SDCCAG8: variants seen among roughly 807,000 people sequenced by gnomAD.
SDCCAG8 encodes serologically defined colon cancer antigen 8.
SDCCAG8 carries 74 observed loss-of-function variants against 101.8 expected under a neutral mutation model. The ratio of observed to expected loss-of-function variants is 0.73; its 90% CI spans 0.60 to 0.88. SDCCAG8 has a LOEUF of 0.88. Among genes scored for constraint, SDCCAG8 ranks in the 40% least tolerant of loss-of-function variants. The pLI is 0.00. For synonymous variants in SDCCAG8, 281 were observed against 292.9 expected (o/e 0.96, Z 0.41); for missense variants, 787 against 822.6 (o/e 0.96, Z 0.53).
At chr1:243,496,961 C>T (rs1057308486) in intron 17 of SDCCAG8, among the ~76,000 whole-genome samples, 12 of 152,180 alleles carry the variant, frequency 7.9e-5, no homozygotes, top group Non-Finnish European at 1.3e-4. Flanking sequence ...CCTGTCGCCC[C>T]CCTCTGAGCT....
intron 12 of SDCCAG8, among the ~76,000 whole-genome samples, chr1:243,358,214 G>A (rs191986336): frequency 6.6e-6 from 1 of 152,028 alleles, no homozygotes; most frequent in Non-Finnish European, 1.5e-5. Flanking sequence ...CTTGTATCTA[G>A]GATATGTAAG....
At chr1:243,426,672 A>T (rs1200482280) in intron 16 of SDCCAG8, 114 bp downstream of exon 16, 1 of 1,277,774 alleles carries the variant, frequency 7.8e-7, no homozygotes, top group Non-Finnish European at 1.1e-6. Context: ...GCTACTTGTG[A>T]CATGCTCAAA....
At chr1:243,378,374 G>A (rs1017982590) in intron 12 of SDCCAG8, among the ~76,000 whole-genome samples, 1 of 151,962 alleles carries the variant, frequency 6.6e-6, no homozygotes, top group African/African-American at 2.4e-5. Flanking sequence ...GTGTCTGATT[G>A]AATCTCACAC....
At position 243,285,566 on chromosome 1, in the gene SDCCAG8, G is replaced by A. The variant is rs145245320; in HGVS notation, c.421-706G>A. On this transcript the variant is annotated intron_variant, in intron 4 of 17. Transcript: ENST00000366541. Reference sequence around the variant, plus strand: ...ACATGTTGTACAATAGCTTTTGATTGCACTAGTAGTGAATATTAGGTTAAG... The same window carrying A: ...ACATGTTGTACAATAGCTTTTGATTACACTAGTAGTGAATATTAGGTTAAG... 1.4e-3 allele frequency among the ~76,000 whole-genome samples: 216 copies of A among 152,232 alleles called. 1 individual carries two copies. The highest frequency in any genetic ancestry group is 5.0e-3 in the African/African-American group (206 of 41,530).
At chr1:243,319,308 C>T (rs921774156) in intron 9 of SDCCAG8, among the ~76,000 whole-genome samples, 3 of 152,180 alleles carry the variant, frequency 2.0e-5, no homozygotes, top group Non-Finnish European at 4.4e-5. Flanking sequence ...TGTCTCTCTC[C>T]TCCCTAATCA....
chr1:243,429,394 T>C (rs937691480), intron 16 of SDCCAG8, among the ~76,000 whole-genome samples: 1 of 151,246 alleles, frequency 6.6e-6, no homozygotes, highest in Non-Finnish European at 1.5e-5. Context: ...GTAGTTGAAT[T>C]TGAGAGGAGT....
chr1:243,476,643 G>A (rs1188971315), intron 16 of SDCCAG8, among the ~76,000 whole-genome samples: 10 of 152,170 alleles, frequency 6.6e-5, no homozygotes, highest in Non-Finnish European at 1.0e-4. Flanking sequence ...ACCTCCATGC[G>A]TCTGATAGTT....
chr1:243,418,100 T>A (rs1298016935), intron 15 of SDCCAG8, 24 bp downstream of exon 15: 1 of 1,470,534 alleles, frequency 6.8e-7, no homozygotes. Context: ...TAGAATACTT[T>A]CAAGAGCACT....
intron 16 of SDCCAG8, among the ~76,000 whole-genome samples, chr1:243,465,483 G>C (rs1016722107): frequency 6.6e-6 from 1 of 152,156 alleles, no homozygotes; most frequent in Non-Finnish European, 1.5e-5. Context: ...ATGTTCTATT[G>C]GATATTCAAA....
chr1:243,298,453 G>T lies in SDCCAG8; in HGVS notation c.675+5234G>T, dbSNP rs551823976. Among the ~76,000 whole-genome samples, 24 of 149,510 alleles carry T rather than the reference G, an allele frequency of 1.6e-4. 1 individual carries two copies. The South Asian group carries it at 4.5e-3, about 28-fold the overall frequency. ...GCTCACTGCAGCCTCCGCCTCCCGG[G>T]TTCAAGCGATTCTCCCACCACGGCC... On this transcript the variant is annotated intron_variant, in intron 6 of 17. Transcript: ENST00000366541.
chr1:243,363,329 C>G (rs964367517), intron 12 of SDCCAG8, among the ~76,000 whole-genome samples: 1 of 152,188 alleles, frequency 6.6e-6, no homozygotes, highest in Non-Finnish European at 1.5e-5. Flanking sequence ...GTGTAAGTAG[C>G]TTGCCTAGAT....
intron 12 of SDCCAG8, among the ~76,000 whole-genome samples, chr1:243,364,355 CATAAATGTTA>C (rs1172166800): frequency 6.6e-6 from 1 of 152,070 alleles, no homozygotes; most frequent in African/African-American, 2.4e-5. Context: ...TGCATCCAAG[CATAAATGTTA>C]GTAAGAGCCT....
At chr1:243,256,948 AAAT>A (rs766228479) in intron 1 of SDCCAG8, among the ~76,000 whole-genome samples, 8 of 152,242 alleles carry the variant, frequency 5.3e-5, no homozygotes, top group Admixed American at 2.6e-4. Context: ...GTATCTGTAC[AAAT>A]AATGTCTGTA....
chr1:243,359,036 A>G (rs1228462942), intron 12 of SDCCAG8, among the ~76,000 whole-genome samples: 3 of 152,204 alleles, frequency 2.0e-5, no homozygotes, highest in African/African-American at 7.2e-5. Context: ...TTGTGGTAAT[A>G]GTTGCACAAC....
Position 243,440,238 on chromosome 1 carries a change from G to A in SDCCAG8, c.1985+13680G>A, listed in dbSNP as rs570418778. ...ATTTGCCTGGCGTGTACAAAACGAC[G>A]TATGTTTTTGTTAAATAAAATAAGT... On this transcript the variant is annotated intron_variant, in intron 16 of 17. Coordinates refer to ENST00000366541, the MANE Select transcript of SDCCAG8 (RefSeq NM_006642.5). 5.3e-5 allele frequency among the ~76,000 whole-genome samples: 8 copies of A among 152,076 alleles called. No individual in the cohort carries two copies. In the East Asian group the frequency reaches 7.7e-4, roughly 15 times the overall value.
intron 15 of SDCCAG8, among the ~76,000 whole-genome samples, chr1:243,421,922 C>T (rs897604224): frequency 1.3e-5 from 2 of 152,226 alleles, no homozygotes; most frequent in African/African-American, 4.8e-5. Flanking sequence ...GTTCTCTCTC[C>T]CCACGCGCTT....
At chr1:243,390,310 T>C (rs2078622247) in intron 13 of SDCCAG8, among the ~76,000 whole-genome samples, 1 of 152,214 alleles carries the variant, frequency 6.6e-6, no homozygotes, top group Non-Finnish European at 1.5e-5. Context: ...CTTCAAGGCT[T>C]GAAATAGATG....
At chr1:243,297,375 T>G (rs906622428) in intron 6 of SDCCAG8, among the ~76,000 whole-genome samples, 1 of 152,222 alleles carries the variant, frequency 6.6e-6, no homozygotes, top group Non-Finnish European at 1.5e-5. Context: ...TTGTGAGCAG[T>G]GCTGCTATGA....
chr1:243,263,168 A>C (rs2067318742), intron 1 of SDCCAG8, among the ~76,000 whole-genome samples: 1 of 152,052 alleles, frequency 6.6e-6, no homozygotes, highest in South Asian at 2.1e-4. Flanking sequence ...CAACACTGAA[A>C]ACTCTTGTTT....
Sources: gnomAD v4.1 joint callset for allele counts (sites outside exome capture counted in the v4.1 genomes callset) on GRCh38, gnomAD v4.1.1 for gene constraint, MANE v1.5 for transcripts, NCBI Gene and HGNC (gene_info 2026-07-23, HGNC 2026-07-21) for gene names.